ARB2A: variants seen among roughly 807,000 people sequenced by gnomAD.
ARB2A encodes ARB2 cotranscriptional regulator A.
chr5:93,723,481 C>T, the ARB2A span, among the ~76,000 whole-genome samples: 3 of 152,166 alleles, frequency 2.0e-5, no homozygotes, highest in East Asian at 1.9e-4. Flanking sequence ...CTTTTATAGA[C>T]ATCAAAGCTA....
At chr5:93,622,687 G>A in the ARB2A span, among the ~76,000 whole-genome samples, 1 of 152,100 alleles carries the variant, frequency 6.6e-6, no homozygotes, top group Non-Finnish European at 1.5e-5. Context: ...CAGTATTAAA[G>A]TCATATCCCC....
chr5:93,998,936 A>G, the ARB2A span, among the ~76,000 whole-genome samples: 1 of 152,058 alleles, frequency 6.6e-6, no homozygotes, highest in Non-Finnish European at 1.5e-5. Flanking sequence ...TTCTTTTCTT[A>G]GACAGGTACA....
the ARB2A span, among the ~76,000 whole-genome samples, chr5:93,636,273 C>T: frequency 3.9e-4 from 59 of 152,140 alleles, no homozygotes; most frequent in Non-Finnish European, 6.9e-4. Flanking sequence ...GTTCTAAAGC[C>T]CAGAGACCAA....
chr5:93,949,157 T>C, the ARB2A span, among the ~76,000 whole-genome samples: 26 of 152,248 alleles, frequency 1.7e-4, no homozygotes, highest in South Asian at 6.2e-4. Context: ...CTTTTCTTTT[T>C]CTTTTAATTT....
chr5:93,824,228 C>T, the ARB2A span: 5 of 1,590,286 alleles, frequency 3.1e-6, no homozygotes, highest in Non-Finnish European at 4.3e-6. Flanking sequence ...ATGAAATGAT[C>T]CCAAACATAG....
At chr5:93,888,884 A>G in the ARB2A span, among the ~76,000 whole-genome samples, 1 of 151,798 alleles carries the variant, frequency 6.6e-6, no homozygotes, top group East Asian at 1.9e-4. Context: ...CTATTCATTC[A>G]GTCAATAATT....
At chr5:94,027,968 G>C in the ARB2A span, among the ~76,000 whole-genome samples, 1 of 152,270 alleles carries the variant, frequency 6.6e-6, no homozygotes, top group African/African-American at 2.4e-5. Context: ...CCCCCAGCTG[G>C]TGTCCATTTG....
At chr5:94,097,978 T>C in the ARB2A span, among the ~76,000 whole-genome samples, 2 of 151,696 alleles carry the variant, frequency 1.3e-5, no homozygotes, top group Admixed American at 1.3e-4. Flanking sequence ...CCTCAACTCC[T>C]CCAGCACAGC....
the ARB2A span, among the ~76,000 whole-genome samples, chr5:93,786,200 A>G: frequency 6.6e-6 from 1 of 152,244 alleles, no homozygotes; most frequent in Non-Finnish European, 1.5e-5. Flanking sequence ...GCATCTGAAG[A>G]CACTAAATCT....
At chr5:94,108,495 C>T in the ARB2A span, among the ~76,000 whole-genome samples, 1 of 151,758 alleles carries the variant, frequency 6.6e-6, no homozygotes, top group African/African-American at 2.4e-5. Context: ...ATGGTGGCTG[C>T]CTTCTTAACC....
At chr5:93,899,099 T>G in the ARB2A span, among the ~76,000 whole-genome samples, 1 of 152,292 alleles carries the variant, frequency 6.6e-6, no homozygotes, top group African/African-American at 2.4e-5. Flanking sequence ...GCTGCTGCTT[T>G]TGAATTCTCA....
At chr5:93,880,276 G>A in the ARB2A span, among the ~76,000 whole-genome samples, 1 of 151,642 alleles carries the variant, frequency 6.6e-6, no homozygotes, top group Non-Finnish European at 1.5e-5. Context: ...CTGCTTAACT[G>A]TCATAGCTTA....
chr5:94,028,164 T>TTATCTCATCTCTCAAGATTGC, the ARB2A span, among the ~76,000 whole-genome samples: 1 of 152,198 alleles, frequency 6.6e-6, no homozygotes, highest in African/African-American at 2.4e-5. Context: ...CAGATAGACA[T>TTATCTCATCTCTCAAGATTGC]TATCTCATCT....
At chr5:93,969,219 C>T in the ARB2A span, among the ~76,000 whole-genome samples, 1 of 151,698 alleles carries the variant, frequency 6.6e-6, no homozygotes, top group Admixed American at 6.6e-5. Context: ...TTTAAAATAA[C>T]AGCAACAATG....
chr5:93,971,145 C>T, the ARB2A span, among the ~76,000 whole-genome samples: 3 of 151,934 alleles, frequency 2.0e-5, no homozygotes, highest in African/African-American at 7.3e-5. Flanking sequence ...ATTACAGGTG[C>T]CCACGACCAC....
chr5:93,899,799 T>C, the ARB2A span, among the ~76,000 whole-genome samples: 3 of 152,174 alleles, frequency 2.0e-5, no homozygotes, highest in Admixed American at 1.3e-4. Context: ...GTAGTAATAG[T>C]TTTAATGACA....
the ARB2A span, among the ~76,000 whole-genome samples, chr5:93,994,708 C>G: frequency 6.6e-6 from 1 of 151,588 alleles, no homozygotes; most frequent in Non-Finnish European, 1.5e-5. Context: ...AATTAAGAAG[C>G]CTGGGCAACA....
chr5:94,067,587 A>G, the ARB2A span, among the ~76,000 whole-genome samples: 2 of 152,204 alleles, frequency 1.3e-5, no homozygotes, highest in African/African-American at 2.4e-5. Flanking sequence ...TACAACAGCT[A>G]TAAGAAAAAT....
the ARB2A span, among the ~76,000 whole-genome samples, chr5:93,628,572 T>G: frequency 6.6e-6 from 1 of 152,240 alleles, no homozygotes; most frequent in Non-Finnish European, 1.5e-5. Flanking sequence ...TGTTATTTAG[T>G]GTAGCCACCT....
Sources: gnomAD v4.1 joint callset for allele counts (sites outside exome capture counted in the v4.1 genomes callset) on GRCh38, gnomAD v4.1.1 for gene constraint, MANE v1.5 for transcripts, NCBI Gene and HGNC (gene_info 2026-07-23, HGNC 2026-07-21) for gene names.